MEX3C: variants seen among roughly 807,000 people sequenced by gnomAD.
MEX3C encodes the protein mex-3 RNA binding family member C.
A neutral mutation model predicts 35.5 loss-of-function variants in MEX3C; 15 were observed. The ratio of observed to expected loss-of-function variants is 0.42; its 90% CI spans 0.28 to 0.65. The LOEUF (loss-of-function observed/expected upper bound fraction) is 0.65. Ranked by LOEUF, MEX3C falls within the 30% of genes least tolerant of loss-of-function variation. The pLI is 0.20. For synonymous variants in MEX3C, 390 were observed against 352.8 expected (o/e 1.11, Z -1.18); for missense variants, 711 against 842.8 (o/e 0.84, Z 1.94).
rs1912809744 is a variant in MEX3C, at chr18:51,196,852, T to A, written c.469A>T (p.Ile157Phe). 6.5e-7 allele frequency: 1 copy of A among 1,538,068 alleles called. No homozygotes were observed. Among genetic ancestry groups the A allele is most frequent in the African/African-American group, 1.4e-5 (1 of 72,088 alleles). Residue 157 changes from isoleucine (I) to phenylalanine (F), a missense_variant, in exon 1 of 2, where the codon ATC becomes TTC. Physicochemically the swap from Ile to Phe is conservative, Grantham distance 21. Around this residue, in one of 4 missense-constraint regions of MEX3C, gnomAD observed 354 missense variants for 311.6 expected, o/e 1.14. Transcript: ENST00000406189. ...ACAGACCCCAGGGACCCGCCCGGGA[T>A]CTGCTGGGTCTGAGAGGCGGTGGCC... ...PAATASQTQQIPGGSLGSVLL... is the reference protein window; with the variant it reads ...PAATASQTQQFPGGSLGSVLL...
At chr18:51,191,578 T>C (rs763446643) in intron 1 of MEX3C, among the ~76,000 whole-genome samples, 21 of 152,208 alleles carry the variant, frequency 1.4e-4, no homozygotes, top group South Asian at 8.3e-4. Flanking sequence ...TTCTATTACA[T>C]TGGAAGAATA....
chr18:51,189,668 A>G (rs1052024422), intron 1 of MEX3C, among the ~76,000 whole-genome samples: 1 of 152,168 alleles, frequency 6.6e-6, no homozygotes, highest in African/African-American at 2.4e-5. Flanking sequence ...TTAGAGATGA[A>G]AGGCAGAAGT....
At chr18:51,196,496 G>A in intron 1 of MEX3C, 71 bp downstream of exon 1, 1 of 1,507,756 alleles carries the variant, frequency 6.6e-7, no homozygotes, top group Non-Finnish European at 8.8e-7. Context: ...TCCGTCCCAC[G>A]CTCCTTTCTC....
rs761370000 is a variant in MEX3C, at chr18:51,197,019, G to C, written c.302C>G (p.Pro101Arg). ...ERAPPGRPGA[P>R]EAAELELEED... The stretch of plus-strand genomic sequence containing the variant: ...TTCCAGCTCCAGCTCGGCCGCCTCC[G>C]GGGCCCCGGGCCGGCCGGGCGGAGC... The change falls in exon 1 of 2, where the codon CCG becomes CGG. Residue 101 changes from proline to arginine, a missense_variant. Coordinates refer to ENST00000406189, the MANE Select transcript of MEX3C (RefSeq NM_016626.5). 14 of 1,523,130 alleles carry C rather than the reference G, an allele frequency of 9.2e-6. No individual in the cohort carries two copies. The Admixed American group carries it at 1.8e-4, about 20-fold the overall frequency. 94.4% of individuals were successfully genotyped at this position (1,523,130 alleles called of 1,614,324 possible). A position where few individuals can be genotyped will look rare whatever the true frequency, so the allele number is the denominator to read the frequency against.
intron 1 of MEX3C, chr18:51,193,454 TAC>T (rs927346253): frequency 2.0e-5 from 3 of 152,212 alleles, no homozygotes; most frequent in Admixed American, 6.5e-5. Context: ...TAAATGACTG[TAC>T]AAATTGGAAC....
rs1912339159 is a variant in MEX3C, at chr18:51,177,922, T to C, written c.755-346A>G. Among the ~76,000 whole-genome samples, 2 of 152,240 alleles carry C rather than the reference T, an allele frequency of 1.3e-5. No homozygotes were observed. On this transcript the variant is annotated intron_variant, in intron 1 of 1. Coordinates refer to ENST00000406189, the MANE Select transcript of MEX3C (RefSeq NM_016626.5). The surrounding 1 kb of genome is among the most constrained non-coding windows in gnomAD (Gnocchi z 4.2). The stretch of plus-strand genomic sequence containing the variant: ...CTCATGGCTAGTAGGTCATCTCACT[T>C]CTGCTCCCACCAGTTAAATTCTAGG...
At chr18:51,193,095 T>C (rs182567706) in intron 1 of MEX3C, 35 of 152,324 alleles carry the variant, frequency 2.3e-4, no homozygotes, top group Admixed American at 2.2e-3. Context: ...TGAAACAGTG[T>C]AAAGTATTAA....
Position 51,176,991 on chromosome 18 carries a change from G to C in MEX3C, c.1340C>G (p.Ser447Cys). 6.2e-7 allele frequency: 1 copy of C among 1,613,958 alleles called. No individual in the cohort carries two copies. The highest frequency in any genetic ancestry group is 8.5e-7 in the Non-Finnish European group (1 of 1,179,882). ...TGTAGAGCCACTTCCTAGAGAACTGGAACTATCATTTCGATAATTGGATAT... is the reference window on the plus strand; with the variant it reads ...TGTAGAGCCACTTCCTAGAGAACTGCAACTATCATTTCGATAATTGGATAT... ...RMISNYRNDS[S>C]SSLGSGSTDS... Residue 447 changes from serine to cysteine, a missense_variant, in exon 2 of 2, where the codon TCC becomes TGC. Around this residue, in one of 4 missense-constraint regions of MEX3C, gnomAD observed 187 missense variants for 201.7 expected, o/e 0.93. Coordinates refer to ENST00000406189, the MANE Select transcript of MEX3C (RefSeq NM_016626.5).
chr18:51,196,134 G>C (rs775288910), intron 1 of MEX3C: 6 of 212,676 alleles, frequency 2.8e-5, no homozygotes, highest in Non-Finnish European at 5.7e-5. Context: ...TTCTCCATCT[G>C]AACAAGTTCT....
intron 1 of MEX3C, among the ~76,000 whole-genome samples, chr18:51,188,441 C>A (rs1369738851): frequency 6.6e-6 from 1 of 151,806 alleles, no homozygotes; most frequent in Admixed American, 6.6e-5. Flanking sequence ...AGTAAAACCC[C>A]GTCTCTACCA....
At chr18:51,185,541 CT>C (rs1335488733) in intron 1 of MEX3C, among the ~76,000 whole-genome samples, 5 of 152,176 alleles carry the variant, frequency 3.3e-5, no homozygotes, top group African/African-American at 1.2e-4. Context: ...TTCAGAGTTC[CT>C]GGGGAATTCG....
chr18:51,191,684 G>C (rs987946145), intron 1 of MEX3C, among the ~76,000 whole-genome samples: 1 of 152,150 alleles, frequency 6.6e-6, no homozygotes, highest in African/African-American at 2.4e-5. Context: ...AAAGTAATGT[G>C]CTTAGCACTT....
At chr18:51,195,464 G>A (rs991159629) in intron 1 of MEX3C, 1 of 152,144 alleles carries the variant, frequency 6.6e-6, no homozygotes, top group African/African-American at 2.4e-5. Flanking sequence ...TTTCGACAGA[G>A]CTCTTATTTA....
Position 51,196,961 on chromosome 18 carries a change from C to T in MEX3C, c.360G>A (p.Leu120=). 1 of 1,543,132 alleles carries T rather than the reference C, an allele frequency of 6.5e-7. No homozygotes were observed. Among genetic ancestry groups the T allele is most frequent in the East Asian group, 2.5e-5 (1 of 40,376 alleles). Residue 120 remains leucine (L), a synonymous_variant, in exon 1 of 2, where the codon CTG becomes CTA. Coordinates refer to ENST00000406189, the MANE Select transcript of MEX3C (RefSeq NM_016626.5). ...CCTCCTCCTCCAGCAGGTCTCCGTC[C>T]AGCTCCGCTTCCTCCCCCTCCTCCT... ...EDEEEGEEAE[L]DGDLLEEEEL... is the part of the protein sequence containing the mutation.
intron 1 of MEX3C, 41 bp downstream of exon 1, chr18:51,196,526 C>T (rs1379669710): frequency 1.3e-6 from 2 of 1,530,724 alleles, no homozygotes; most frequent in East Asian, 2.5e-5. Context: ...CACCCACGCC[C>T]GGGGCCATGC....
Sources: allele counts gnomAD v4.1 joint callset (sites outside exome capture counted in the v4.1 genomes callset), GRCh38; gene constraint gnomAD v4.1.1; regional missense constraint gnomAD v4.1.1; non-coding constraint Gnocchi (gnomAD v3.1); transcripts MANE v1.5; gene names NCBI Gene and HGNC (gene_info 2026-07-23, HGNC 2026-07-21).